Variants in CLDN16 observed in about 807,000 individuals in gnomAD.
The protein encoded by CLDN16 is claudin 16.
In CLDN16, 13 loss-of-function variants were observed where a neutral mutation model predicts 24.6. The ratio of observed to expected loss-of-function variants is 0.53; its 90% confidence interval spans 0.34 to 0.84. CLDN16 has a LOEUF of 0.84. CLDN16 is among the 40% of genes least tolerant of loss of function. The pLI, the probability that CLDN16 is intolerant of heterozygous loss-of-function variation, is 0.01. For missense variants in CLDN16, 298 were observed against 292.7 expected (o/e 1.02, Z -0.13); for synonymous variants, 116 against 106.7 (o/e 1.09, Z -0.54).
At chr3:190,312,862 C>A in the CLDN16 span, 8 of 1,613,770 alleles carry the variant, frequency 5.0e-6, no homozygotes, top group South Asian at 7.7e-5. Flanking sequence ...GGGGGCACAG[C>A]CTCTATTACC....
chr3:190,398,499 A>C (rs1718877281), intron 1 of CLDN16, among the ~76,000 whole-genome samples: 1 of 152,180 alleles, frequency 6.6e-6, no homozygotes, highest in Non-Finnish European at 1.5e-5. Context: ...GAAATTTGTC[A>C]GCCCACCTGT....
At chr3:190,308,647 G>A in the CLDN16 span, among the ~76,000 whole-genome samples, 1 of 152,140 alleles carries the variant, frequency 6.6e-6, no homozygotes, top group Non-Finnish European at 1.5e-5. Context: ...TAGTAGATCA[G>A]GAAATAACAC....
chr3:190,345,929 A>G lies in CLDN16; in HGVS notation n.121+23268A>G, dbSNP rs137902323. The stretch of plus-strand genomic sequence containing the variant: ...TATTTATGTAATATATATAATATTT[A>G]TTGAGGTAGTGCTGAGCATATGCCA... On this transcript the variant is annotated intron_variant and non_coding_transcript_variant, in intron 1 of 4. Coordinates refer to the CLDN16 transcript ENST00000468220. Among the ~76,000 whole-genome samples, 1,387 of 152,130 alleles carry G rather than the reference A, an allele frequency of 9.1e-3. 31 individuals carry two copies. Among genetic ancestry groups the G allele is most frequent in the African/African-American group, 0.032 (1,332 of 41,530 alleles).
intron 1 of CLDN16, among the ~76,000 whole-genome samples, chr3:190,343,443 CT>C (rs1423375767): frequency 6.6e-6 from 1 of 152,126 alleles, no homozygotes; most frequent in African/African-American, 2.4e-5. Context: ...AGCAATATCT[CT>C]TTTGGGTATA....
intron 3 of CLDN16, among the ~76,000 whole-genome samples, chr3:190,378,038 C>T (rs1303607598): frequency 6.6e-6 from 1 of 151,880 alleles, no homozygotes; most frequent in African/African-American, 2.4e-5. Context: ...GTCAGTCAAA[C>T]CTGGGTTTAA....
intron 1 of CLDN16, among the ~76,000 whole-genome samples, chr3:190,353,141 A>AG (rs1717703361): frequency 1.3e-5 from 2 of 152,128 alleles, no homozygotes; most frequent in African/African-American, 4.8e-5. Flanking sequence ...ACAAAGTCAC[A>AG]GAGACTGCCA....
In CLDN16 at chr3:190,348,913, G is replaced by A. The variant is rs537017989; in HGVS notation, n.122-21980G>A. ...CTCCCACTTATAAGTGAGAACATGT[G>A]ATGTCTGGTTTTCTGTTTCTGTGTT... On this transcript the variant is annotated intron_variant and non_coding_transcript_variant, in intron 1 of 4. Coordinates refer to the CLDN16 transcript ENST00000468220. Among the ~76,000 whole-genome samples, 206 of 152,240 alleles carry A rather than the reference G, an allele frequency of 1.4e-3. 1 individual carries two copies. The highest frequency in any genetic ancestry group is 3.8e-3 in the African/African-American group (159 of 41,540).
intron 1 of CLDN16, among the ~76,000 whole-genome samples, chr3:190,322,831 C>A (rs1371912557): frequency 1.3e-5 from 2 of 152,144 alleles, no homozygotes; most frequent in African/African-American, 4.8e-5. Context: ...TACCCAACTC[C>A]GCGTCTCCTC....
At chr3:190,376,612 C>T (rs374665011) in intron 3 of CLDN16, among the ~76,000 whole-genome samples, 1 of 151,864 alleles carries the variant, frequency 6.6e-6, no homozygotes, top group East Asian at 1.9e-4. Context: ...GCAGAGGAAA[C>T]AATTTGAGTA....
chr3:190,328,005 G>A (rs1375173646), intron 1 of CLDN16, among the ~76,000 whole-genome samples: 1 of 152,076 alleles, frequency 6.6e-6, no homozygotes, highest in Non-Finnish European at 1.5e-5. Context: ...TTTTTGGACA[G>A]GTGTGGTGGC....
intron 4 of CLDN16, 54 bp from the exon 5 acceptor site, chr3:190,409,849 A>G: frequency 1.9e-6 from 3 of 1,549,568 alleles, no homozygotes; most frequent in East Asian, 2.2e-5. Flanking sequence ...ATGGTATTTT[A>G]TAATTTTCCC....
rs115507464 is a variant in CLDN16 at position 190,341,651 on chromosome 3, C to T, written n.121+18990C>T. ...TTCCATTGACTTGGTGATTAATATTCGGCTTCTCATTAGTTATGCAAATTT... is the reference window on the plus strand; with the variant it reads ...TTCCATTGACTTGGTGATTAATATTTGGCTTCTCATTAGTTATGCAAATTT... On this transcript the variant is annotated intron_variant and non_coding_transcript_variant, in intron 1 of 4. Transcript: ENST00000468220. Among the ~76,000 whole-genome samples the T allele has an allele frequency of 4.5e-3, 692 of 152,274 alleles. 3 individuals are homozygous for T. The highest frequency in any genetic ancestry group is 0.016 in the African/African-American group (647 of 41,530).
upstream of CLDN16, among the ~76,000 whole-genome samples, chr3:190,387,197 T>G (rs1718521359): frequency 6.6e-6 from 1 of 152,172 alleles, no homozygotes; most frequent in Admixed American, 6.5e-5. Context: ...GAAGAGAAAA[T>G]GTTGATATAT....
chr3:190,346,745 C>T (rs1717558181), intron 1 of CLDN16, among the ~76,000 whole-genome samples: 1 of 152,158 alleles, frequency 6.6e-6, no homozygotes, highest in South Asian at 2.1e-4. Flanking sequence ...GTAGTGGTTA[C>T]TCACAATCCC....
intron 1 of CLDN16, among the ~76,000 whole-genome samples, chr3:190,341,888 A>T (rs925205959): frequency 3.3e-5 from 5 of 152,150 alleles, no homozygotes; most frequent in Admixed American, 2.0e-4. Context: ...AGATCCACAA[A>T]TCTCTAGGGC....
the CLDN16 span, among the ~76,000 whole-genome samples, chr3:190,309,576 G>A: frequency 2.6e-5 from 4 of 152,178 alleles, no homozygotes; most frequent in Admixed American, 6.5e-5. Flanking sequence ...GTTGTTACAC[G>A]AGAGCTAAGA....
chr3:190,373,719 A>G (rs565462796), intron 2 of CLDN16, among the ~76,000 whole-genome samples: 1 of 152,038 alleles, frequency 6.6e-6, no homozygotes, highest in Admixed American at 6.6e-5. Context: ...TGATTATCCA[A>G]TAGCTAGTCC....
At chr3:190,295,131 A>C in the CLDN16 span, among the ~76,000 whole-genome samples, 1 of 152,162 alleles carries the variant, frequency 6.6e-6, no homozygotes, top group Admixed American at 6.5e-5. Context: ...AAGTTATCAG[A>C]TGCCTACTAA....
At chr3:190,389,842 A>C (rs1252089315) in intron 1 of CLDN16, among the ~76,000 whole-genome samples, 1 of 152,246 alleles carries the variant, frequency 6.6e-6, no homozygotes, top group African/African-American at 2.4e-5. Context: ...ACTTGAGCAT[A>C]ATTATAATTA....
Sources: gnomAD v4.1 joint callset for allele counts (sites outside exome capture counted in the v4.1 genomes callset) on GRCh38, gnomAD v4.1.1 for gene constraint, MANE v1.5 for transcripts, NCBI Gene and HGNC (gene_info 2026-07-23, HGNC 2026-07-21) for gene names.